NSMCE2: variants seen among roughly 807,000 people sequenced by gnomAD.
NSMCE2 encodes NSE2 SUMO ligase component of SMC5/6 complex, also known as E3 SUMO-protein ligase NSE2.
Under a neutral mutation model 23.8 loss-of-function variants are expected in NSMCE2, and 24 were observed. That is an observed-to-expected ratio of 1.01 (90% confidence interval 0.73 to 1.42). The LOEUF (loss-of-function observed/expected upper bound fraction) is 1.42. NSMCE2 is among the 40% of genes most tolerant of loss of function. The pLI is 0.00. For synonymous variants in NSMCE2, 92 were observed against 94.1 expected (o/e 0.98, Z 0.13); for missense variants, 284 against 296.5 (o/e 0.96, Z 0.31).
chr8:125,205,912 C>A (rs1824099972), intron 5 of NSMCE2, among the ~76,000 whole-genome samples: 2 of 151,908 alleles, frequency 1.3e-5, no homozygotes, highest in African/African-American at 4.8e-5. Flanking sequence ...AAATGTGTGC[C>A]AAAACTCTTT....
chr8:125,279,167 A>G lies in NSMCE2; in HGVS notation c.419-78052A>G, dbSNP rs1033989164. 2.0e-5 allele frequency among the ~76,000 whole-genome samples: 3 copies of G among 152,218 alleles called. No individual in the cohort carries two copies. In the East Asian group the frequency reaches 5.8e-4, roughly 29 times the overall value. On this transcript the variant is annotated intron_variant, in intron 5 of 7. Coordinates refer to ENST00000287437, the MANE Select transcript of NSMCE2 (RefSeq NM_173685.4). The stretch of plus-strand genomic sequence containing the variant: ...GACATTCCACTCTTATTACAAAGCT[A>G]TGTCGGATAAATATTTTGATAGATG...
At chr8:125,209,031 T>C (rs908936761) in intron 5 of NSMCE2, among the ~76,000 whole-genome samples, 1 of 152,206 alleles carries the variant, frequency 6.6e-6, no homozygotes, top group South Asian at 2.1e-4. Context: ...AGGCTGGTCT[T>C]GAACTCCTGG....
At chr8:125,284,802 G>A (rs920577658) in intron 5 of NSMCE2, among the ~76,000 whole-genome samples, 4 of 152,102 alleles carry the variant, frequency 2.6e-5, no homozygotes, top group African/African-American at 9.7e-5. Flanking sequence ...ACAACCAAAT[G>A]AAAATAGATT....
At chr8:125,134,722 C>CTTTTTTTTT (rs34284298) in intron 3 of NSMCE2, among the ~76,000 whole-genome samples, 1 of 117,730 alleles carries the variant, frequency 8.5e-6, no homozygotes, top group African/African-American at 3.3e-5. Flanking sequence ...TAACGGATTC[C>CTTTTTTTTT]TTTTTTTTTT....
At chr8:125,200,502 C>T (rs1204579411) in intron 5 of NSMCE2, among the ~76,000 whole-genome samples, 1 of 151,884 alleles carries the variant, frequency 6.6e-6, no homozygotes, top group East Asian at 1.9e-4. Flanking sequence ...AATATCGGCC[C>T]CCACTCTCTT....
At chr8:125,112,215 A>G (rs1253547128) in intron 3 of NSMCE2, among the ~76,000 whole-genome samples, 1 of 152,258 alleles carries the variant, frequency 6.6e-6, no homozygotes, top group Admixed American at 6.5e-5. Context: ...ATACTTAATT[A>G]TGCTGTATAT....
At chr8:125,223,765 A>G (rs188710005) in intron 5 of NSMCE2, among the ~76,000 whole-genome samples, 157 of 115,954 alleles carry the variant, frequency 1.4e-3, no homozygotes, top group African/African-American at 4.8e-3. Context: ...TTGGCCACTT[A>G]TGTGTCTTTC....
chr8:125,111,016 G>T (rs1410118115), intron 3 of NSMCE2, among the ~76,000 whole-genome samples: 1 of 151,992 alleles, frequency 6.6e-6, no homozygotes, highest in African/African-American at 2.4e-5. Flanking sequence ...TTTGCAGCTG[G>T]TTACAGTCCT....
chr8:125,161,105 G>A (rs1430157180), intron 4 of NSMCE2, among the ~76,000 whole-genome samples: 1 of 152,174 alleles, frequency 6.6e-6, no homozygotes, highest in Admixed American at 6.5e-5. Context: ...GTAAGGAAAA[G>A]TTCTTTCATT....
At chr8:125,154,883 C>T (rs1240497073) in intron 4 of NSMCE2, among the ~76,000 whole-genome samples, 5 of 152,126 alleles carry the variant, frequency 3.3e-5, no homozygotes, top group Admixed American at 3.3e-4. Context: ...TGTTTCCTCC[C>T]TTGCTTTCTA....
rs554762016 is a variant in NSMCE2 at position 125,162,898 on chromosome 8, A to G, written c.264+11621A>G. On this transcript the variant is annotated intron_variant, in intron 4 of 7. Transcript: ENST00000287437. Reference sequence around the variant, plus strand: ...TTTTGACTTTAGTCATCTTTTTCATAAAGGTTTATTCCTGTCTACCATCCT... The same window carrying G: ...TTTTGACTTTAGTCATCTTTTTCATGAAGGTTTATTCCTGTCTACCATCCT... 6.6e-5 allele frequency among the ~76,000 whole-genome samples: 10 copies of G among 152,348 alleles called. No homozygotes were observed. In the South Asian group the frequency reaches 2.1e-3, roughly 32 times the overall value.
chr8:125,312,648 T>G (rs1829015642), intron 5 of NSMCE2, among the ~76,000 whole-genome samples: 1 of 151,916 alleles, frequency 6.6e-6, no homozygotes, highest in Admixed American at 6.6e-5. Context: ...AACAAATAAA[T>G]AAATAAATGT....
intron 3 of NSMCE2, among the ~76,000 whole-genome samples, chr8:125,111,351 A>G (rs1360995702): frequency 6.6e-6 from 1 of 152,252 alleles, no homozygotes; most frequent in Non-Finnish European, 1.5e-5. Flanking sequence ...GTAAGATTCT[A>G]GTTTTGTTCC....
chr8:125,357,244 T>C lies in NSMCE2; in HGVS notation c.444T>C (p.Ala148=), dbSNP rs560517761. 6.2e-7 allele frequency: 1 copy of C among 1,613,378 alleles called. No homozygotes were observed. The highest frequency in any genetic ancestry group is 1.7e-5 in the Admixed American group (1 of 60,024). ...KQCGLQADRE[A]DGTEGVDEDI... ...GTGGTCTTCAAGCTGACAGAGAAGC[T>C]GACGGAACAGAAGGAGTGGATGAAG... The change falls in exon 6 of 8, where the codon GCT becomes GCC. Residue 148 remains alanine (A), a synonymous_variant. Coordinates refer to ENST00000287437, the MANE Select transcript of NSMCE2 (RefSeq NM_173685.4).
At chr8:125,315,853 T>A (rs6986059) in intron 5 of NSMCE2, among the ~76,000 whole-genome samples, 68,136 of 151,936 alleles carry the variant, frequency 0.45, 17,681 homozygotes, top group Admixed American at 0.56. Context: ...CCCAGGCTGT[T>A]GTGCAGTGGT....
rs1468484140 is a variant in NSMCE2 at position 125,151,296 on chromosome 8, C to G, written c.264+19C>G. On this transcript the variant is annotated intron_variant, in intron 4 of 7. Transcript: ENST00000287437. Reference sequence around the variant, plus strand: ...AAATCATGTAAGTTTATACCACTCCCTGGTTATATATTTGGTTACAACTCA... The same window carrying G: ...AAATCATGTAAGTTTATACCACTCCGTGGTTATATATTTGGTTACAACTCA... 1.6e-6 allele frequency: 2 copies of G among 1,249,586 alleles called. No individual in the cohort carries two copies. The highest frequency in any genetic ancestry group is 2.3e-6 in the Non-Finnish European group (2 of 854,802). 77.4% of individuals were successfully genotyped at this position (1,249,586 alleles called of 1,614,324 possible).
chr8:125,106,485 C>A (rs1187439172), intron 3 of NSMCE2, among the ~76,000 whole-genome samples: 1 of 152,108 alleles, frequency 6.6e-6, no homozygotes, highest in East Asian at 1.9e-4. Context: ...TGAGACCAGC[C>A]TGACCAACTT....
intron 5 of NSMCE2, among the ~76,000 whole-genome samples, chr8:125,281,805 C>T (rs532556063): frequency 9.1e-4 from 138 of 151,518 alleles, no homozygotes; most frequent in Non-Finnish European, 1.6e-3. Context: ...TTGTCAAACT[C>T]CTGGCCTCAA....
At chr8:125,101,792 A>G (rs1027159821) in intron 1 of NSMCE2, among the ~76,000 whole-genome samples, 1 of 152,214 alleles carries the variant, frequency 6.6e-6, no homozygotes, top group African/African-American at 2.4e-5. Context: ...CTGGGATCTC[A>G]CCAAGTCTAT....
Sources: gnomAD v4.1 joint callset for allele counts (sites outside exome capture counted in the v4.1 genomes callset) on GRCh38, gnomAD v4.1.1 for gene constraint, MANE v1.5 for transcripts, NCBI Gene and HGNC (gene_info 2026-07-23, HGNC 2026-07-21) for gene names.